Variants in FAT3 observed in about 807,000 individuals in gnomAD.
FAT3 encodes FAT atypical cadherin 3.
In FAT3, 95 loss-of-function variants were observed where a neutral mutation model predicts 310.2. The observed-to-expected ratio is 0.31, with a 90% CI of 0.26 to 0.36. The LOEUF (loss-of-function observed/expected upper bound fraction) is 0.36, where lower values mean the gene tolerates loss of function less well. FAT3 is among the 10% of genes least tolerant of loss of function. FAT3 has a pLI of 1.00. For missense variants in FAT3, 5,408 were observed against 5,715.6 expected, an observed-to-expected ratio of 0.95 and a Z score of 1.74; for synonymous variants, 2,314 against 2,192.9, an observed-to-expected ratio of 1.06 and a Z score of -1.54.
chr11:92,581,116 C>G (rs1344010121), intron 3 of FAT3, among the ~76,000 whole-genome samples: 1 of 152,004 alleles, frequency 6.6e-6, no homozygotes, highest in African/African-American at 2.4e-5. Flanking sequence ...ACTTCCCTTG[C>G]TTTTGTTACA....
intron 2 of FAT3, among the ~76,000 whole-genome samples, chr11:92,475,347 T>G (rs1407141338): frequency 1.3e-5 from 2 of 152,156 alleles, no homozygotes; most frequent in Non-Finnish European, 2.9e-5. Context: ...GACCATTTTG[T>G]TTGGGCTGTC....
intron 24 of FAT3, among the ~76,000 whole-genome samples, chr11:92,884,526 T>A (rs374639222): frequency 6.6e-6 from 1 of 152,182 alleles, no homozygotes; most frequent in African/African-American, 2.4e-5. Flanking sequence ...CCTAGAAGGC[T>A]ATGGTTATAG....
Position 92,354,403 on chromosome 11 carries a change from C to A in FAT3, c.2291C>A (p.Thr764Lys). The change falls in exon 2 of 28, where the codon ACA becomes AAA. Residue 764 changes from threonine (T) to lysine (K), a missense_variant. Thr to Lys is a moderately conservative substitution (Grantham distance 78). Coordinates refer to ENST00000525166, the MANE Select transcript of FAT3 (RefSeq NM_001367949.2). Reference protein sequence around the residue: ...DSGFNGKVLFTISDGNTDSCF... With the variant: ...DSGFNGKVLFKISDGNTDSCF... Reference sequence around the variant, plus strand: ...GGCTTCAATGGAAAAGTGCTATTTACAATATCAGATGGAAATACGGATAGT... The same window carrying A: ...GGCTTCAATGGAAAAGTGCTATTTAAAATATCAGATGGAAATACGGATAGT... The A allele has an allele frequency of 1.9e-6, 3 of 1,613,876 alleles. No individual in the cohort carries two copies. The highest frequency in any genetic ancestry group is 2.5e-6 in the Non-Finnish European group (3 of 1,179,838).
chr11:92,687,824 T>G (rs1943675684), intron 3 of FAT3, among the ~76,000 whole-genome samples: 1 of 152,032 alleles, frequency 6.6e-6, no homozygotes, highest in Admixed American at 6.6e-5. Context: ...GAAGTGAAAT[T>G]GTAGCTGATG....
At chr11:92,788,690 A>G (rs1394482588) in intron 7 of FAT3, among the ~76,000 whole-genome samples, 1 of 152,160 alleles carries the variant, frequency 6.6e-6, no homozygotes, top group Non-Finnish European at 1.5e-5. Flanking sequence ...AGAAAAAGAA[A>G]CAGAAAAAAG....
At chr11:92,620,474 G>T (rs1408530040) in intron 3 of FAT3, among the ~76,000 whole-genome samples, 1 of 152,110 alleles carries the variant, frequency 6.6e-6, no homozygotes, top group Non-Finnish European at 1.5e-5. Flanking sequence ...TATAAATCTT[G>T]TGCTGATTTA....
intron 1 of FAT3, among the ~76,000 whole-genome samples, chr11:92,228,459 G>T (rs1262177873): frequency 6.6e-6 from 1 of 152,192 alleles, no homozygotes; most frequent in Non-Finnish European, 1.5e-5. Context: ...CACAGCCTTT[G>T]TAAAGCTATG....
chr11:92,834,770 T>G, intron 14 of FAT3, 100 bp from the exon 15 acceptor site: 1 of 1,070,536 alleles, frequency 9.3e-7, no homozygotes, highest in Non-Finnish European at 1.3e-6. Context: ...ATGTTTAAAT[T>G]CTTGGCTGGA....
chr11:92,369,198 G>A (rs1591182058), intron 2 of FAT3, among the ~76,000 whole-genome samples: 2 of 152,188 alleles, frequency 1.3e-5, no homozygotes, highest in South Asian at 4.1e-4. Flanking sequence ...AGGACAATGT[G>A]AATCATTGTT....
intron 3 of FAT3, among the ~76,000 whole-genome samples, chr11:92,598,146 A>G (rs1373408322): frequency 6.6e-6 from 1 of 151,320 alleles, no homozygotes; most frequent in East Asian, 1.9e-4. Context: ...TTTGTATATC[A>G]CATAAAAGCA....
In FAT3 at chr11:92,462,354, A is replaced by G. The variant is rs185045862; in HGVS notation, c.3293-62280A>G. 8.8e-4 allele frequency among the ~76,000 whole-genome samples: 134 copies of G among 152,162 alleles called. 1 individual carries two copies. In the South Asian group the frequency reaches 0.014, roughly 16 times the overall value. ...CACCCTTGAGTATGTCCTGGTATCTATCGTTCCCTTCTCTGTGTCCATGTG... is the reference window on the plus strand; with the variant it reads ...CACCCTTGAGTATGTCCTGGTATCTGTCGTTCCCTTCTCTGTGTCCATGTG... On this transcript the variant is annotated intron_variant, in intron 2 of 27. Coordinates refer to ENST00000525166, the MANE Select transcript of FAT3 (RefSeq NM_001367949.2).
At chr11:92,650,591 T>C (rs1418993150) in intron 3 of FAT3, among the ~76,000 whole-genome samples, 1 of 152,164 alleles carries the variant, frequency 6.6e-6, no homozygotes, top group Admixed American at 6.5e-5. Context: ...TAATGCTTGC[T>C]GATTTTTGTG....
At chr11:92,691,262 G>A (rs986526395) in intron 3 of FAT3, among the ~76,000 whole-genome samples, 2 of 152,160 alleles carry the variant, frequency 1.3e-5, no homozygotes, top group Non-Finnish European at 2.9e-5. Flanking sequence ...ACCAGTTATT[G>A]ACAGAGCCGA....
chr11:92,704,781 G>T (rs147651014), intron 4 of FAT3, among the ~76,000 whole-genome samples: 1 of 152,074 alleles, frequency 6.6e-6, no homozygotes, highest in Non-Finnish European at 1.5e-5. Context: ...TATGTTCCTC[G>T]GTTATGCAGC....
chr11:92,450,675 A>C lies in FAT3; in HGVS notation c.3293-73959A>C, dbSNP rs577722902. ...TCAGGTGAATCAGAAGATATGCTCC[A>C]GAAGCCATGAAATCCCTAAGTCTGT... is the stretch of plus-strand genomic sequence containing the variant. On this transcript the variant is annotated intron_variant, in intron 2 of 27. Coordinates refer to ENST00000525166, the MANE Select transcript of FAT3 (RefSeq NM_001367949.2). Among the ~76,000 whole-genome samples the C allele has an allele frequency of 2.3e-3, 352 of 152,332 alleles. 3 individuals are homozygous for C. The highest frequency in any genetic ancestry group is 2.6e-3 in the Non-Finnish European group (178 of 68,018).
Position 92,835,063 on chromosome 11 carries a change from G to A in FAT3, c.10065G>A (p.Leu3355=), listed in dbSNP as rs767937899. Residue 3355 remains leucine, a synonymous_variant, in exon 15 of 28, where the codon TTG becomes TTA. Transcript: ENST00000525166. ...GTGCGGTTATCAGTGAAGACGCCTT[G>A]GTGGGAGACTCTGTCATTTTGGTAG... ...VYSAVISEDA[L]VGDSVILLIA... The A allele has an allele frequency of 6.2e-7, 1 of 1,612,674 alleles. No homozygotes were observed. The highest frequency in any genetic ancestry group is 8.5e-7 in the Non-Finnish European group (1 of 1,179,582).
At chr11:92,593,158 A>G (rs1378540866) in intron 3 of FAT3, among the ~76,000 whole-genome samples, 4 of 151,086 alleles carry the variant, frequency 2.6e-5, no homozygotes, top group Non-Finnish European at 5.9e-5. Flanking sequence ...AAGATTGACT[A>G]GTATTCCATT....
chr11:92,466,952 T>C (rs1436675321), intron 2 of FAT3, among the ~76,000 whole-genome samples: 1 of 152,060 alleles, frequency 6.6e-6, no homozygotes, highest in African/African-American at 2.4e-5. Context: ...ATGGTGTATA[T>C]GTGCCACATT....
At chr11:92,706,789 G>T (rs1944367847) in intron 4 of FAT3, among the ~76,000 whole-genome samples, 1 of 152,092 alleles carries the variant, frequency 6.6e-6, no homozygotes, top group Non-Finnish European at 1.5e-5. Flanking sequence ...TTTAAAATGT[G>T]CATATAAAAA....
Sources: gnomAD v4.1 joint callset for allele counts (sites outside exome capture counted in the v4.1 genomes callset) on GRCh38, gnomAD v4.1.1 for gene constraint, MANE v1.5 for transcripts, NCBI Gene and HGNC (gene_info 2026-07-23, HGNC 2026-07-21) for gene names.